SRPK1: variants seen among roughly 807,000 people sequenced by gnomAD.
SRPK1 encodes SFRS protein kinase 1.
A neutral mutation model predicts 89.5 loss-of-function variants in SRPK1; 52 were observed. That is an observed-to-expected ratio of 0.58 (90% confidence interval 0.46 to 0.73). The LOEUF (loss-of-function observed/expected upper bound fraction) is 0.73, where lower values mean the gene tolerates loss of function less well. SRPK1 is among the 30% of genes least tolerant of loss of function. The pLI is 0.00. For missense variants in SRPK1, 603 were observed against 780.6 expected (o/e 0.77, Z 2.71); for synonymous variants, 255 against 270.2 (o/e 0.94, Z 0.55).
At chr6:35,881,658 G>C (rs1770294695) in intron 6 of SRPK1, among the ~76,000 whole-genome samples, 1 of 151,420 alleles carries the variant, frequency 6.6e-6, no homozygotes, top group Non-Finnish European at 1.5e-5. Flanking sequence ...AGATAAAGAA[G>C]GACATTATCT....
intron 2 of SRPK1, among the ~76,000 whole-genome samples, chr6:35,906,370 G>A (rs1363219068): frequency 2.0e-5 from 3 of 152,074 alleles, no homozygotes; most frequent in Admixed American, 1.3e-4. Flanking sequence ...GATTACAGGC[G>A]TGCACCATCA....
In SRPK1 at chr6:35,920,905, T is replaced by G. The variant is rs1771223361; in HGVS notation, c.13+139A>C. ...ACCCGCAGCCCAGAGGCAGGGGGTG[T>G]GGGGCGGCGCCACCTCAGTGGAGGG... is the stretch of plus-strand genomic sequence containing the variant. On this transcript the variant is annotated intron_variant, in intron 1 of 15. Transcript: ENST00000373825. 10 of 899,920 alleles carry G rather than the reference T, an allele frequency of 1.1e-5. No individual in the cohort carries two copies. The South Asian group carries it at 1.8e-4, about 16-fold the overall frequency. The allele number at this position is 899,920 out of a possible 1,614,324, so 55.7% of individuals were successfully genotyped here.
Position 35,835,050 on chromosome 6 carries a change from G to A in SRPK1, c.*254C>T. Reference sequence around the variant, plus strand: ...GGGAAGGAAAGGTACAGGGCAAGAGGCTGTTTCACATTTTAGTCCATTAGT... The same window carrying A: ...GGGAAGGAAAGGTACAGGGCAAGAGACTGTTTCACATTTTAGTCCATTAGT... On this transcript the variant is annotated 3_prime_UTR_variant, in exon 16 of 16. Transcript: ENST00000373825. The A allele has an allele frequency of 2.7e-6, 1 of 365,734 alleles. No homozygotes were observed. The highest frequency in any genetic ancestry group is 2.0e-5 in the African/African-American group (1 of 49,774). 22.7% of individuals were successfully genotyped at this position (365,734 alleles called of 1,614,324 possible). A position where few individuals can be genotyped will look rare whatever the true frequency, so the allele number is the denominator to read the frequency against.
chr6:35,898,417 C>T (rs375519445), intron 2 of SRPK1, among the ~76,000 whole-genome samples: 5 of 152,204 alleles, frequency 3.3e-5, no homozygotes, highest in African/African-American at 9.6e-5. Flanking sequence ...CTAGATATTG[C>T]GTAAAGTGTA....
At position 35,878,942 on chromosome 6, in the gene SRPK1, T is replaced by C. The variant is rs148437176; in HGVS notation, c.479-4603A>G. 2.0e-5 allele frequency among the ~76,000 whole-genome samples: 3 copies of C among 152,008 alleles called. No homozygotes were observed. In the East Asian group the frequency reaches 5.8e-4, roughly 29 times the overall value. ...GCTGTCTCTATTAAAATTACGAAAA[T>C]TAGCCAGGTGTGGTGGCATGCACCT... On this transcript the variant is annotated intron_variant, in intron 6 of 15. Transcript: ENST00000373825.
intron 2 of SRPK1, 178 bp downstream of exon 2, chr6:35,920,290 G>C (rs662713): frequency 0.32 from 221,630 of 703,142 alleles, 36,453 homozygotes; most frequent in South Asian, 0.4. Context: ...GCCTGGCGTT[G>C]AGCAACAGCA....
In SRPK1 at chr6:35,842,616, AGAG is replaced by A; in HGVS notation, c.1621-15_1621-13del. 1 of 1,598,770 alleles carries A rather than the reference AGAG, an allele frequency of 6.3e-7. No homozygotes were observed. Among genetic ancestry groups the A allele is most frequent in the Non-Finnish European group, 8.5e-7 (1 of 1,173,022 alleles). On this transcript the variant is annotated splice_polypyrimidine_tract_variant and intron_variant, in intron 13 of 15. Transcript: ENST00000373825. ...GCCAGTTCAAAGGCCTAAAAAAAAA[AGAG>A]GACAGTATATGAAAGCACAAAAGAA...
intron 5 of SRPK1, 52 bp downstream of exon 5, chr6:35,887,972 A>C (rs1352484077): frequency 7.6e-7 from 1 of 1,320,934 alleles, no homozygotes; most frequent in Admixed American, 2.8e-5. Context: ...TATTCAATGA[A>C]ACTTGATTTA....
chr6:35,856,864 G>A (rs79809213), intron 13 of SRPK1: 1 of 158,682 alleles, frequency 6.3e-6, no homozygotes, highest in South Asian at 2.0e-4. Context: ...AGCTGCAAAG[G>A]TATCTGAGGA....
At chr6:35,874,174 A>T in intron 7 of SRPK1, 59 bp downstream of exon 7, 1 of 1,369,826 alleles carries the variant, frequency 7.3e-7, no homozygotes, top group Non-Finnish European at 1.0e-6. Context: ...ACACTTCAAG[A>T]ATATTAAAAA....
At chr6:35,888,774 C>A in intron 4 of SRPK1, 41 bp downstream of exon 4, 1 of 1,243,358 alleles carries the variant, frequency 8.0e-7, no homozygotes, top group South Asian at 1.2e-5. Flanking sequence ...CACATTTAGA[C>A]ATCATCTAAC....
intron 12 of SRPK1, among the ~76,000 whole-genome samples, chr6:35,863,220 T>C (rs1441790068): frequency 1.3e-5 from 2 of 152,044 alleles, no homozygotes; most frequent in South Asian, 2.1e-4. Context: ...GCCTCAATAA[T>C]AGACTGGAAC....
chr6:35,844,258 C>T (rs1018666858), intron 13 of SRPK1, among the ~76,000 whole-genome samples: 2 of 152,262 alleles, frequency 1.3e-5, no homozygotes, highest in South Asian at 4.1e-4. Flanking sequence ...CTGCCTCGGC[C>T]TCCCAAAGTG....
intron 13 of SRPK1, among the ~76,000 whole-genome samples, chr6:35,846,053 T>C (rs1021475817): frequency 1.3e-5 from 2 of 152,100 alleles, no homozygotes; most frequent in African/African-American, 4.8e-5. Flanking sequence ...ATTTAAAAGG[T>C]TGCCAAAGAA....
At chr6:35,880,813 C>T (rs1184405185) in intron 6 of SRPK1, among the ~76,000 whole-genome samples, 3 of 125,398 alleles carry the variant, frequency 2.4e-5, no homozygotes, top group Admixed American at 8.0e-5. Flanking sequence ...CGGTTGAAAA[C>T]GTCACAAATT....
intron 2 of SRPK1, among the ~76,000 whole-genome samples, chr6:35,919,866 G>A (rs1179601693): frequency 2.0e-5 from 3 of 152,192 alleles, no homozygotes; most frequent in African/African-American, 7.2e-5. Context: ...TTAGACAGAA[G>A]AGAAGCAGTT....
At chr6:35,887,069 A>ACC (rs1196586220) in intron 5 of SRPK1, among the ~76,000 whole-genome samples, 1 of 152,242 alleles carries the variant, frequency 6.6e-6, no homozygotes, top group Non-Finnish European at 1.5e-5. Flanking sequence ...GTGGCCTCCA[A>ACC]ATTAACTGAT....
intron 13 of SRPK1, among the ~76,000 whole-genome samples, chr6:35,843,843 A>C (rs1309587272): frequency 2.0e-5 from 3 of 152,138 alleles, no homozygotes; most frequent in Non-Finnish European, 4.4e-5. Flanking sequence ...CTAATTAGGA[A>C]AAGAAAAGCC....
intron 6 of SRPK1, among the ~76,000 whole-genome samples, chr6:35,878,283 C>T (rs1770199766): frequency 6.6e-6 from 1 of 152,134 alleles, no homozygotes; most frequent in Non-Finnish European, 1.5e-5. Flanking sequence ...GGTGAGCCTG[C>T]AATATCTTGA....
Sources: allele counts gnomAD v4.1 joint callset (sites outside exome capture counted in the v4.1 genomes callset), GRCh38; gene constraint gnomAD v4.1.1; transcripts MANE v1.5; gene names NCBI Gene and HGNC (gene_info 2026-07-23, HGNC 2026-07-21).